Variants in CCDC62 observed in about 807,000 individuals in gnomAD.
CCDC62 encodes the protein coiled-coil domain-containing protein 62.
A neutral mutation model predicts 80.8 loss-of-function variants in CCDC62; 72 were observed. The observed-to-expected ratio is 0.89, with a 90% CI of 0.74 to 1.08. The LOEUF (loss-of-function observed/expected upper bound fraction) is 1.08, where lower values mean the gene tolerates loss of function less well. Among genes scored for constraint, CCDC62 ranks in the 50% least tolerant of loss-of-function variants. The pLI is 0.00. For synonymous variants in CCDC62, 286 were observed against 296.5 expected, an observed-to-expected ratio of 0.96 and a Z score of 0.36; for missense variants, 704 against 809.4, an observed-to-expected ratio of 0.87 and a Z score of 1.58.
At chr12:122,798,625 A>G (rs1219729284) in intron 8 of CCDC62, among the ~76,000 whole-genome samples, 1 of 151,872 alleles carries the variant, frequency 6.6e-6, no homozygotes, top group Admixed American at 6.6e-5. Flanking sequence ...AAATAAAAAT[A>G]TAAAAATTAG....
chr12:122,776,004 A>G (rs1879428297), intron 1 of CCDC62, among the ~76,000 whole-genome samples: 2 of 151,804 alleles, frequency 1.3e-5, no homozygotes, highest in Admixed American at 1.3e-4. Context: ...ACTGTCTTTA[A>G]GGTGGAACTC....
chr12:122,800,986 C>A, intron 8 of CCDC62, 138 bp from the exon 9 acceptor site: 4 of 809,932 alleles, frequency 4.9e-6, no homozygotes, highest in Non-Finnish European at 5.8e-6. Flanking sequence ...TGGAGAAGGT[C>A]GGGCTGGAAT....
At chr12:122,790,137 A>G (rs1312244974) in intron 5 of CCDC62, among the ~76,000 whole-genome samples, 4 of 151,352 alleles carry the variant, frequency 2.6e-5, no homozygotes, top group Non-Finnish European at 4.4e-5. Flanking sequence ...TGCAACCTCC[A>G]CCTCCTGGGT....
chr12:122,777,789 C>G (rs1879573314), intron 2 of CCDC62, 106 bp downstream of exon 2: 1 of 1,081,112 alleles, frequency 9.2e-7, no homozygotes, highest in Non-Finnish European at 1.3e-6. Flanking sequence ...TCCCTGTTGT[C>G]CTCAAGTTTA....
rs2032021822 is a variant in CCDC62, at chr12:122,813,299, T to C, written c.1881T>C (p.Asp627=). Residue 627 remains aspartate, a synonymous_variant, in exon 11 of 13, where the codon GAT becomes GAC. Transcript: ENST00000253079. ...KASIVLPSQD[D]FSPTSKLQRL... ...CAATTGTGTTACCCTCCCAGGATGA[T>C]TTCTCGCCCACGAGCAAGCTCCAGC... 1 of 1,613,402 alleles carries C rather than the reference T, an allele frequency of 6.2e-7. No homozygotes were observed. Among genetic ancestry groups the C allele is most frequent in the African/African-American group, 1.3e-5 (1 of 75,046 alleles).
Position 122,776,014 on chromosome 12 carries a change from C to CTA in CCDC62, c.36+1310_36+1311dup, listed in dbSNP as rs547624890. 5.5e-3 allele frequency among the ~76,000 whole-genome samples: 831 copies of CTA among 150,838 alleles called. 6 individuals are homozygous for CTA. Among genetic ancestry groups the CTA allele is most frequent in the Non-Finnish European group, 9.6e-3 (652 of 68,028 alleles). ...TAATTACTGTCTTTAAGGTGGAACT[C>CTA]TATTAAAGTAACACTTTTAGTTGTT... On this transcript the variant is annotated intron_variant, in intron 1 of 12. Coordinates refer to ENST00000253079, the MANE Select transcript of CCDC62 (RefSeq NM_201435.5).
intron 8 of CCDC62, among the ~76,000 whole-genome samples, chr12:122,800,193 A>C (rs1474956153): frequency 2.8e-5 from 3 of 107,632 alleles, no homozygotes; most frequent in Non-Finnish European, 3.6e-5. Flanking sequence ...TTTTTTGTAC[A>C]TATGGGGTTT....
At position 122,786,963 on chromosome 12, in the gene CCDC62, AAAATT is replaced by A. The variant is rs1438685758; in HGVS notation, c.498+1157_498+1161del. The stretch of plus-strand genomic sequence containing the variant: ...TGACAGCGAGACTCCGTCTCAAAAA[AAAATT>A]AAATTAAATTAAAGAGAAAATATTA... On this transcript the variant is annotated intron_variant, in intron 4 of 12. Transcript: ENST00000253079. 5.9e-5 allele frequency among the ~76,000 whole-genome samples: 9 copies of A among 152,194 alleles called. 1 individual carries two copies. Among genetic ancestry groups the A allele is most frequent in the East Asian group, 1.9e-4 (1 of 5,188 alleles).
At chr12:122,807,648 C>T (rs2031681481) in intron 10 of CCDC62, among the ~76,000 whole-genome samples, 1 of 151,952 alleles carries the variant, frequency 6.6e-6, no homozygotes, top group African/African-American at 2.4e-5. Context: ...CTGTACCTGG[C>T]CAGACATTTT....
intron 10 of CCDC62, among the ~76,000 whole-genome samples, chr12:122,811,398 A>C (rs1365447504): frequency 1.3e-5 from 2 of 150,388 alleles, no homozygotes; most frequent in Non-Finnish European, 3.0e-5. Context: ...TTTAGTAGAG[A>C]CGGGGTTTCT....
At chr12:122,791,314 T>G (rs1486044242) in intron 5 of CCDC62, among the ~76,000 whole-genome samples, 3 of 151,992 alleles carry the variant, frequency 2.0e-5, no homozygotes, top group Admixed American at 6.6e-5. Context: ...AATTTTTGTA[T>G]TTTTAGTAGA....
At chr12:122,812,048 G>T (rs1360580153) in intron 10 of CCDC62, among the ~76,000 whole-genome samples, 2 of 152,102 alleles carry the variant, frequency 1.3e-5, no homozygotes, top group East Asian at 3.9e-4. Flanking sequence ...GTTGGTTGAG[G>T]AGAGTTAACC....
At chr12:122,824,093 T>G (rs887977321) in intron 12 of CCDC62, among the ~76,000 whole-genome samples, 2 of 151,850 alleles carry the variant, frequency 1.3e-5, no homozygotes, top group South Asian at 4.2e-4. Flanking sequence ...ATGTTCAACA[T>G]CACTAATTAT....
chr12:122,778,981 C>T (rs1879658247), intron 2 of CCDC62, among the ~76,000 whole-genome samples: 1 of 152,190 alleles, frequency 6.6e-6, no homozygotes, highest in Non-Finnish European at 1.5e-5. Context: ...TATATACACA[C>T]AGTGTTTAAA....
chr12:122,812,721 CAAAAA>C (rs71085857), intron 10 of CCDC62, among the ~76,000 whole-genome samples: 2 of 47,546 alleles, frequency 4.2e-5, no homozygotes, highest in Non-Finnish European at 7.0e-5. Flanking sequence ...GACTCCGTCT[CAAAAA>C]AAAAAAAAAA....
At position 122,827,044 on chromosome 12, in the gene CCDC62, G is replaced by C. The variant is rs1198805011; in HGVS notation, c.*663G>C. On this transcript the variant is annotated 3_prime_UTR_variant, in exon 13 of 13. Transcript: ENST00000253079. ...TACTGACACAAACAAAAGCTTGCTG[G>C]AAGATCGAGTTTTAGACGCATTTTT... The C allele has an allele frequency of 1.3e-5, 2 of 152,186 alleles. No individual in the cohort carries two copies. Among genetic ancestry groups the C allele is most frequent in the African/African-American group, 4.8e-5 (2 of 41,446 alleles). 9.4% of individuals were successfully genotyped at this position (152,186 alleles called of 1,614,324 possible).
intron 10 of CCDC62, among the ~76,000 whole-genome samples, chr12:122,811,027 G>A (rs11503063): frequency 8.8e-6 from 1 of 113,522 alleles, no homozygotes; most frequent in South Asian, 3.1e-4. Context: ...TTGTGGGGTG[G>A]GGGGAGGGGG....
Position 122,777,572 on chromosome 12 carries a change from C to G in CCDC62, c.118C>G (p.Arg40Gly). Residue 40 changes from arginine to glycine, a missense_variant, in exon 2 of 13, where the codon CGA (arginine) becomes GGA (glycine). Transcript: ENST00000253079. ...LQLLIGELKD[R>G]DKELNDMVAV... The stretch of plus-strand genomic sequence containing the variant: ...GTTGCTCATTGGAGAATTAAAAGAT[C>G]GAGATAAAGAGCTCAATGACATGGT... The G allele has an allele frequency of 1.1e-5, 17 of 1,613,980 alleles. No homozygotes were observed. Among genetic ancestry groups the G allele is most frequent in the Non-Finnish European group, 1.4e-5 (16 of 1,179,914 alleles).
chr12:122,814,570 G>A (rs547244688), intron 11 of CCDC62, among the ~76,000 whole-genome samples: 6 of 141,354 alleles, frequency 4.2e-5, no homozygotes, highest in South Asian at 2.2e-4. Context: ...GCAATGGCAC[G>A]ATCTCAGCTC....
Sources: gnomAD v4.1 joint callset for allele counts (sites outside exome capture counted in the v4.1 genomes callset) on GRCh38, gnomAD v4.1.1 for gene constraint, MANE v1.5 for transcripts, NCBI Gene and HGNC (gene_info 2026-07-23, HGNC 2026-07-21) for gene names.